The following PCDHGA1 variants were observed in gnomAD, a reference collection of about 807,000 sequenced individuals.
PCDHGA1 encodes protocadherin gamma subfamily A, 1, also known as protocadherin gamma-A1.
Under a neutral mutation model 58.0 loss-of-function variants are expected in PCDHGA1, and 32 were observed. That is an observed-to-expected ratio of 0.55 (90% CI 0.42 to 0.74). The LOEUF (loss-of-function observed/expected upper bound fraction) is 0.74, where lower values mean the gene tolerates loss of function less well. PCDHGA1 is among the 30% of genes least tolerant of loss of function. The pLI, the probability that PCDHGA1 is intolerant of heterozygous loss-of-function variation, is 0.00. For synonymous variants in PCDHGA1, 498 were observed against 501.1 expected, an observed-to-expected ratio of 0.99 and a Z score of 0.08; for missense variants, 1,205 against 1,182.3, an observed-to-expected ratio of 1.02 and a Z score of -0.28.
intron 1 of PCDHGA1, chr5:141,395,187 T>C: frequency 6.2e-7 from 1 of 1,614,162 alleles, no homozygotes; most frequent in Non-Finnish European, 8.5e-7. Flanking sequence ...TGATTCTTTG[T>C]TAACATCCGT....
At chr5:141,495,020 C>G in intron 2 of PCDHGA1, 155 bp downstream of exon 2, 1 of 976,790 alleles carries the variant, frequency 1.0e-6, no homozygotes, top group Non-Finnish European at 1.2e-6. Context: ...GGCTGGCACA[C>G]AGACCCCGGA....
intron 1 of PCDHGA1, chr5:141,355,795 G>A: frequency 1.9e-6 from 3 of 1,613,406 alleles, no homozygotes; most frequent in Middle Eastern, 1.7e-4. Context: ...GCTGGAACGC[G>A]CTCTAGATCG....
intron 1 of PCDHGA1, chr5:141,423,628 AT>A (rs2096762361): frequency 6.2e-7 from 1 of 1,604,844 alleles, no homozygotes; most frequent in Admixed American, 1.7e-5. Flanking sequence ...CTCAGCTATC[AT>A]TTTAGGCAAA....
At chr5:141,355,920 C>T (rs1760043730) in intron 1 of PCDHGA1, 1 of 1,613,790 alleles carries the variant, frequency 6.2e-7, no homozygotes, top group Non-Finnish European at 8.5e-7. Context: ...ATAATGCTCC[C>T]GTGTTCACTC....
chr5:141,399,300 C>T (rs985419238), intron 1 of PCDHGA1: 3 of 1,613,792 alleles, frequency 1.9e-6, no homozygotes, highest in Non-Finnish European at 2.5e-6. Flanking sequence ...TTAAGATTAT[C>T]TCTTCATCCA....
At chr5:141,399,681 C>G (rs2093865042) in intron 1 of PCDHGA1, 1 of 1,613,408 alleles carries the variant, frequency 6.2e-7, no homozygotes, top group South Asian at 1.1e-5. Flanking sequence ...CCTTTGACTA[C>G]GAGCAGCTGC....
At chr5:141,383,417 G>A in intron 1 of PCDHGA1, 1 of 1,614,014 alleles carries the variant, frequency 6.2e-7, no homozygotes, top group African/African-American at 1.3e-5. Flanking sequence ...TACCAGCTCA[G>A]CCCCAATCGC....
intron 1 of PCDHGA1, among the ~76,000 whole-genome samples, chr5:141,457,898 A>T (rs1035775197): frequency 6.6e-6 from 1 of 151,874 alleles, no homozygotes; most frequent in Non-Finnish European, 1.5e-5. Context: ...GACTGTGTAG[A>T]CAAGGTGTGA....
rs1178101439 is a variant in PCDHGA1, at chr5:141,443,790, T to C, written c.2422-51017T>C. On this transcript the variant is annotated intron_variant, in intron 1 of 3. Coordinates refer to ENST00000517417, the MANE Select transcript of PCDHGA1 (RefSeq NM_018912.3). Reference sequence around the variant, plus strand: ...AATATTACCAAAAAGACAAAAAAAATGAAAAGGAAACAGTTACCTTTGGAA... The same window carrying C: ...AATATTACCAAAAAGACAAAAAAAACGAAAAGGAAACAGTTACCTTTGGAA... Among the ~76,000 whole-genome samples, 6 of 151,950 alleles carry C rather than the reference T, an allele frequency of 3.9e-5. No homozygotes were observed. The East Asian group carries it at 1.2e-3, about 29-fold the overall frequency.
At chr5:141,404,819 A>G in intron 1 of PCDHGA1, 1 of 1,608,430 alleles carries the variant, frequency 6.2e-7, no homozygotes, top group South Asian at 1.1e-5. Flanking sequence ...GGGGCTGCAC[A>G]CAGGTGAAGT....
chr5:141,455,795 C>T (rs1251703490), intron 1 of PCDHGA1, among the ~76,000 whole-genome samples: 1 of 151,960 alleles, frequency 6.6e-6, no homozygotes, highest in African/African-American at 2.4e-5. Flanking sequence ...TCCGGAGATG[C>T]TTTAAAAAAT....
At chr5:141,409,067 A>G (rs2095219315) in intron 1 of PCDHGA1, 2 of 1,614,034 alleles carry the variant, frequency 1.2e-6, no homozygotes, top group South Asian at 2.2e-5. Context: ...CCAGAGCACA[A>G]AACATATGTT....
intron 1 of PCDHGA1, chr5:141,413,173 A>G: frequency 6.2e-7 from 1 of 1,600,856 alleles, no homozygotes; most frequent in African/African-American, 1.3e-5. Context: ...TAACCAGACT[A>G]CAATGGCCGC....
chr5:141,359,213 C>T (rs1441871406), intron 1 of PCDHGA1, among the ~76,000 whole-genome samples: 3 of 152,010 alleles, frequency 2.0e-5, no homozygotes, highest in Admixed American at 1.3e-4. Context: ...TGAGAGACAA[C>T]TTACATCTGA....
At chr5:141,480,828 TAAGATC>T (rs1054950452) in intron 1 of PCDHGA1, among the ~76,000 whole-genome samples, 22 of 152,260 alleles carry the variant, frequency 1.4e-4, no homozygotes, top group African/African-American at 5.1e-4. Context: ...GGGTGGATCA[TAAGATC>T]AGGAGTTTGA....
At chr5:141,346,637 G>C (rs1303742317) in intron 1 of PCDHGA1, 2 of 910,860 alleles carry the variant, frequency 2.2e-6, no homozygotes, top group Admixed American at 2.9e-5. Flanking sequence ...GTCTGGTTAT[G>C]GTTGAGTGGG....
Position 141,431,706 on chromosome 5 carries a change from AG to A in PCDHGA1, c.2422-63100del. The A allele has an allele frequency of 6.2e-7, 1 of 1,614,248 alleles. No homozygotes were observed. The highest frequency in any genetic ancestry group is 8.5e-7 in the Non-Finnish European group (1 of 1,180,048). ...GACCACGAGGAGTCAGGATTCTACC[AG>A]ATGGAAGTGCAAGCAATGGATAATG... On this transcript the variant is annotated intron_variant, in intron 1 of 3. Coordinates refer to ENST00000517417, the MANE Select transcript of PCDHGA1 (RefSeq NM_018912.3). This position sits in a 1 kb window ranked among gnomAD's most constrained non-coding sequence, Gnocchi z 4.8.
At chr5:141,507,931 G>A (rs1442781255) in intron 3 of PCDHGA1, 1 of 152,326 alleles carries the variant, frequency 6.6e-6, no homozygotes, top group African/African-American at 2.4e-5. Context: ...CTGCTGAGAG[G>A]GGTTAAGTAA....
intron 1 of PCDHGA1, among the ~76,000 whole-genome samples, chr5:141,450,814 A>C (rs990515429): frequency 1.5e-5 from 2 of 136,790 alleles, no homozygotes; most frequent in Non-Finnish European, 3.1e-5. Context: ...TTATTTATTT[A>C]ATATTATTAT....
Sources: allele counts gnomAD v4.1 joint callset (sites outside exome capture counted in the v4.1 genomes callset), GRCh38; gene constraint gnomAD v4.1.1; non-coding constraint Gnocchi (gnomAD v3.1); transcripts MANE v1.5; gene names NCBI Gene and HGNC (gene_info 2026-07-23, HGNC 2026-07-21).